The following CFAP52 variants were observed in gnomAD, a reference collection of about 807,000 sequenced individuals.
CFAP52 encodes the protein cilia and flagella associated protein 52.
In CFAP52, 57 loss-of-function variants were observed where a neutral mutation model predicts 70.5. The observed-to-expected ratio is 0.81, with a 90% CI of 0.65 to 1.01. The LOEUF (loss-of-function observed/expected upper bound fraction) is 1.01, where lower values mean the gene tolerates loss of function less well. Ranked by LOEUF, CFAP52 falls within the 50% of genes least tolerant of loss-of-function variation. The pLI is 0.00. For synonymous variants in CFAP52, 267 were observed against 292.5 expected (o/e 0.91, Z 0.89); for missense variants, 785 against 788.5 (o/e 1.00, Z 0.05).
In CFAP52 at chr17:9,612,498, C is replaced by CA. The variant is rs771996883; in HGVS notation, c.1025+21dup. The CA allele has an allele frequency of 1.2e-6, 2 of 1,607,042 alleles. No homozygotes were observed. Among genetic ancestry groups the CA allele is most frequent in the East Asian group, 4.5e-5 (2 of 44,768 alleles). On this transcript the variant is annotated intron_variant, in intron 8 of 13. Coordinates refer to ENST00000352665, the MANE Select transcript of CFAP52 (RefSeq NM_145054.5). ...TTCCATTGTGAGTAGAAGAGAAAAA[C>CA]AAGAATGTGGAGATTTGATGCAGTG...
chr17:9,612,502 A>G, intron 8 of CFAP52, 23 bp downstream of exon 8: 1 of 1,605,716 alleles, frequency 6.2e-7, no homozygotes, highest in Non-Finnish European at 8.5e-7. Context: ...GAAAAACAAG[A>G]ATGTGGAGAT....
chr17:9,644,370 G>A (rs1911224367), downstream of CFAP52, among the ~76,000 whole-genome samples: 2 of 152,270 alleles, frequency 1.3e-5, no homozygotes, highest in East Asian at 3.9e-4. Context: ...CTCCCAAGGT[G>A]CTGGGATTAC....
intron 10 of CFAP52, among the ~76,000 whole-genome samples, chr17:9,633,696 G>A (rs1248816218): frequency 2.1e-5 from 3 of 143,104 alleles, no homozygotes; most frequent in Non-Finnish European, 4.5e-5. Flanking sequence ...TTTTTTAGAC[G>A]GACAGAGTCT....
At chr17:9,592,351 C>T (rs1908802931) in intron 3 of CFAP52, among the ~76,000 whole-genome samples, 2 of 152,066 alleles carry the variant, frequency 1.3e-5, no homozygotes, top group South Asian at 4.2e-4. Flanking sequence ...CCCCTGTAAC[C>T]CCAGCTACTA....
chr17:9,608,388 C>A (rs957587236), intron 7 of CFAP52, among the ~76,000 whole-genome samples, 169 bp downstream of exon 7: 1 of 152,130 alleles, frequency 6.6e-6, no homozygotes, highest in African/African-American at 2.4e-5. Context: ...TCTTTGTCAA[C>A]GAAAAGACAA....
In CFAP52 at chr17:9,580,983, T is replaced by C. The variant is rs192463425; in HGVS notation, c.70+4218T>C. On this transcript the variant is annotated intron_variant, in intron 1 of 13. Transcript: ENST00000352665. ...GATATTGTCTATAATAGCTGAAACA[T>C]TGGAAGAAACAACCCAAATATCCAT... Among the ~76,000 whole-genome samples, 5 of 152,230 alleles carry C rather than the reference T, an allele frequency of 3.3e-5. No homozygotes were observed. The East Asian group carries it at 5.8e-4, about 18-fold the overall frequency.
chr17:9,643,792 G>A (rs1042218787), downstream of CFAP52, among the ~76,000 whole-genome samples: 2 of 152,236 alleles, frequency 1.3e-5, no homozygotes, highest in African/African-American at 4.8e-5. Flanking sequence ...AAGAAAATGT[G>A]TGGTGTTGGG....
chr17:9,581,621 A>C (rs566754981), intron 1 of CFAP52, among the ~76,000 whole-genome samples: 1 of 152,032 alleles, frequency 6.6e-6, no homozygotes, highest in African/African-American at 2.4e-5. Flanking sequence ...AGTGTGTGTG[A>C]GTATGTCTGG....
chr17:9,645,298 G>T (rs558801404), downstream of CFAP52: 27 of 187,958 alleles, frequency 1.4e-4, no homozygotes, highest in Middle Eastern at 2.0e-3. This position sits in a 1 kb window ranked among gnomAD's most constrained non-coding sequence, Gnocchi z 6.8. Flanking sequence ...AAGGCTGCTC[G>T]AGGAACAGGA....
In CFAP52 at chr17:9,594,268, C is replaced by T. The variant is rs372408765; in HGVS notation, c.483C>T (p.Ala161=). Residue 161 remains alanine, a synonymous_variant, in exon 4 of 14, where the codon GCC becomes GCT. Coordinates refer to ENST00000352665, the MANE Select transcript of CFAP52 (RefSeq NM_145054.5). ...SPAAGLNVGN[A]TNVIFSRCRD... ...CAGCCGGCCTCAATGTTGGCAATGCCACCAATGTGATCTTCTCCAGGTGCC... is the reference window on the plus strand; with the variant it reads ...CAGCCGGCCTCAATGTTGGCAATGCTACCAATGTGATCTTCTCCAGGTGCC... The T allele has an allele frequency of 4.3e-6, 7 of 1,613,882 alleles. No individual in the cohort carries two copies. The highest frequency in any genetic ancestry group is 5.9e-6 in the Non-Finnish European group (7 of 1,179,956).
chr17:9,609,428 C>T (rs1353541436), intron 7 of CFAP52, among the ~76,000 whole-genome samples: 2 of 152,176 alleles, frequency 1.3e-5, no homozygotes, highest in African/African-American at 2.4e-5. Context: ...GGTGCAGTGG[C>T]TCACGCCTGC....
At position 9,579,611 on chromosome 17, in the gene CFAP52, A is replaced by G. The variant is rs1036758665; in HGVS notation, c.70+2846A>G. 4.3e-4 allele frequency among the ~76,000 whole-genome samples: 66 copies of G among 152,250 alleles called. 1 individual carries two copies. Among genetic ancestry groups the G allele is most frequent in the Non-Finnish European group, 5.9e-5 (4 of 68,048 alleles). On this transcript the variant is annotated intron_variant, in intron 1 of 13. Coordinates refer to ENST00000352665, the MANE Select transcript of CFAP52 (RefSeq NM_145054.5). ...GAGATGGAGTCTCACCCTGTCTCCC[A>G]GGCTGGAGTGCAGTGGTGCGATCTC...
In CFAP52 at chr17:9,641,905, T is replaced by G. The variant is rs1911081707; in HGVS notation, c.1687+70T>G. On this transcript the variant is annotated intron_variant, in intron 13 of 13. Coordinates refer to ENST00000352665, the MANE Select transcript of CFAP52 (RefSeq NM_145054.5). The stretch of plus-strand genomic sequence containing the variant: ...GAGGACATGGAAGGAACTCCCAGGC[T>G]AGAGGCAATTGGAAAAGACAACAAA... 7 of 1,371,248 alleles carry G rather than the reference T, an allele frequency of 5.1e-6. No individual in the cohort carries two copies. In the Admixed American group the frequency reaches 1.3e-4, roughly 25 times the overall value. The allele number at this position is 1,371,248 out of a possible 1,614,324, so 84.9% of individuals were successfully genotyped here.
intron 3 of CFAP52, 144 bp downstream of exon 3, chr17:9,586,978 G>A (rs1349322029): frequency 9.9e-7 from 1 of 1,014,240 alleles, no homozygotes; most frequent in Non-Finnish European, 1.4e-6. Context: ...CAGGTGCTCA[G>A]CCTAGTACCC....
At chr17:9,622,668 T>C (rs1037685284) in intron 8 of CFAP52, among the ~76,000 whole-genome samples, 1 of 152,152 alleles carries the variant, frequency 6.6e-6, no homozygotes, top group African/African-American at 2.4e-5. Context: ...TTGAATACAG[T>C]TTGGTGCAGT....
Position 9,628,790 on chromosome 17 carries a change from T to A in CFAP52, c.1144T>A (p.Phe382Ile), listed in dbSNP as rs746987913. 2 of 1,614,138 alleles carry A rather than the reference T, an allele frequency of 1.2e-6. No homozygotes were observed. Among genetic ancestry groups the A allele is most frequent in the Non-Finnish European group, 1.7e-6 (2 of 1,180,004 alleles). Residue 382 changes from phenylalanine (F) to isoleucine (I), a missense_variant, in exon 9 of 14, where the codon TTC becomes ATC. Physicochemically the swap from Phe to Ile is conservative, Grantham distance 21. Coordinates refer to ENST00000352665, the MANE Select transcript of CFAP52 (RefSeq NM_145054.5). The part of the protein sequence containing the change: ...VPNMTCHGID[F>I]MRDGKSIISA... ...CAACATGACCTGCCACGGCATCGAC[T>A]TCATGAGGGACGGCAAAAGCATCAT...
intron 6 of CFAP52, among the ~76,000 whole-genome samples, chr17:9,604,763 A>G (rs535132658): frequency 3.4e-5 from 5 of 145,918 alleles, no homozygotes; most frequent in African/African-American, 1.3e-4. Context: ...ATAAATAAAT[A>G]AATAAATAAA....
rs1910919207 is a variant in CFAP52 at position 9,638,710 on chromosome 17, A to G, written c.1574A>G (p.Lys525Arg). ...ATCATCACCAGCGGAACAGACAGAA[A>G]GGTGAGTCCTCCCAGTGAGAGATGA... ...FQIITSGTDR[K>R]IAYWEVFDGT... The change falls in exon 12 of 14, where the codon AAG becomes AGG. Residue 525 changes from lysine to arginine, a missense_variant and splice_region_variant. Lys to Arg is a conservative substitution (Grantham distance 26). Coordinates refer to ENST00000352665, the MANE Select transcript of CFAP52 (RefSeq NM_145054.5). The G allele has an allele frequency of 6.2e-7, 1 of 1,613,792 alleles. No individual in the cohort carries two copies. Among genetic ancestry groups the G allele is most frequent in the South Asian group, 1.1e-5 (1 of 91,062 alleles).
At chr17:9,583,231 G>A (rs983565521) in intron 1 of CFAP52, among the ~76,000 whole-genome samples, 1 of 151,654 alleles carries the variant, frequency 6.6e-6, no homozygotes, top group South Asian at 2.1e-4. Flanking sequence ...CATAAACCTT[G>A]GTATTATAAG....
Sources: gnomAD v4.1 joint callset for allele counts (sites outside exome capture counted in the v4.1 genomes callset) on GRCh38, gnomAD v4.1.1 for gene constraint, Gnocchi (gnomAD v3.1) non-coding constraint, MANE v1.5 for transcripts, NCBI Gene and HGNC (gene_info 2026-07-23, HGNC 2026-07-21) for gene names.